The following NTM variants were observed in gnomAD, a reference collection of about 807,000 sequenced individuals.
NTM encodes neurotrimin, also known as IgLON family member 2.
In NTM, 13 loss-of-function variants were observed where a neutral mutation model predicts 42.1. The ratio of observed to expected loss-of-function variants is 0.31; its 90% CI spans 0.20 to 0.49. NTM has a LOEUF of 0.49. Ranked by LOEUF, NTM falls within the 20% of genes least tolerant of loss-of-function variation. The probability of loss-of-function intolerance (pLI) is 0.99; values close to 1 mark genes in which losing one functional copy is unlikely to be tolerated. For missense variants in NTM, 373 were observed against 452.8 expected, an observed-to-expected ratio of 0.82 and a Z score of 1.60; for synonymous variants, 187 against 179.2, an observed-to-expected ratio of 1.04 and a Z score of -0.35.
chr11:131,601,822 C>T (rs899874187), intron 1 of NTM, among the ~76,000 whole-genome samples: 6 of 152,166 alleles, frequency 3.9e-5, no homozygotes, highest in East Asian at 1.9e-4. Context: ...ATTTATTCAA[C>T]AAACATTTAC....
intron 2 of NTM, among the ~76,000 whole-genome samples, chr11:131,922,922 C>T (rs1236308411): frequency 2.0e-5 from 3 of 152,188 alleles, no homozygotes; most frequent in South Asian, 2.1e-4. Flanking sequence ...GAATGCAGAA[C>T]GCTGAACTTC....
At chr11:131,646,128 G>A (rs1332047609) in intron 1 of NTM, among the ~76,000 whole-genome samples, 1 of 152,180 alleles carries the variant, frequency 6.6e-6, no homozygotes, top group Non-Finnish European at 1.5e-5. Flanking sequence ...CATCTAAGAC[G>A]GGGTCAGCAA....
intron 1 of NTM, among the ~76,000 whole-genome samples, chr11:131,485,789 T>A (rs1002777622): frequency 2.6e-5 from 4 of 152,110 alleles, no homozygotes; most frequent in African/African-American, 9.7e-5. Context: ...AGTGCTGAAA[T>A]GGGTATTGTG....
rs185377684 is a variant in NTM, at chr11:131,774,000, G to A, written c.83-137564G>A. 2.9e-4 allele frequency: 286 copies of A among 984,108 alleles called. 1 individual carries two copies. The African/African-American group carries it at 4.1e-3, about 14-fold the overall frequency. 61.0% of individuals were successfully genotyped at this position (984,108 alleles called of 1,614,324 possible). ...GGACCTCCAATTCCTGACATCTTCC[G>A]TCGTCTCATTTTTAAACAAAATAGT... On this transcript the variant is annotated intron_variant, in intron 1 of 8. Coordinates refer to ENST00000683400, the MANE Select transcript of NTM (RefSeq NM_001352005.2).
At chr11:131,985,914 T>C (rs2065998443) in intron 2 of NTM, among the ~76,000 whole-genome samples, 1 of 152,186 alleles carries the variant, frequency 6.6e-6, no homozygotes, top group African/African-American at 2.4e-5. Context: ...ATAGTGAGTG[T>C]TCCACGAGTG....
At chr11:132,147,560 C>CT (rs11377678) in intron 3 of NTM, among the ~76,000 whole-genome samples, 135,084 of 152,062 alleles carry the variant, frequency 0.89, 60,766 homozygotes, top group African/African-American at 0.98. Context: ...GCTTTCTTTT[C>CT]TCTTTTTTAG....
intron 4 of NTM, among the ~76,000 whole-genome samples, chr11:132,245,806 T>C (rs1326332693): frequency 6.6e-6 from 1 of 151,990 alleles, no homozygotes; most frequent in African/African-American, 2.4e-5. Flanking sequence ...CTTCCTCTCC[T>C]CTTTCTTAGG....
chr11:132,190,268 T>A (rs1164643718), intron 3 of NTM, among the ~76,000 whole-genome samples: 1 of 151,980 alleles, frequency 6.6e-6, no homozygotes, highest in Non-Finnish European at 1.5e-5. Context: ...AGCATGGTAA[T>A]GAGATAGGCC....
Position 131,452,250 on chromosome 11 carries a change from G to A in NTM, c.82+81362G>A, listed in dbSNP as rs1950543274. 2.0e-5 allele frequency among the ~76,000 whole-genome samples: 3 copies of A among 152,226 alleles called. No homozygotes were observed. The South Asian group carries it at 6.2e-4, about 31-fold the overall frequency. The stretch of plus-strand genomic sequence containing the variant: ...GACTCCCAAACTGCTGTGCTGCCGA[G>A]CGCCCCGTGGCCTCCCGGCTGCAGG... On this transcript the variant is annotated intron_variant, in intron 1 of 8. Transcript: ENST00000683400.
intron 1 of NTM, among the ~76,000 whole-genome samples, chr11:131,561,706 T>C (rs1158854843): frequency 2.3e-5 from 2 of 86,092 alleles, no homozygotes; most frequent in Non-Finnish European, 4.1e-5. Flanking sequence ...ACTCTGTTAT[T>C]CCCACCGCAG....
intron 1 of NTM, among the ~76,000 whole-genome samples, chr11:131,509,684 C>T (rs1321963148): frequency 6.6e-6 from 1 of 152,190 alleles, no homozygotes; most frequent in African/African-American, 2.4e-5. Flanking sequence ...TAGTTCTTTA[C>T]CACACACAAC....
At chr11:132,010,770 T>G (rs561307407) in intron 2 of NTM, among the ~76,000 whole-genome samples, 17 of 152,268 alleles carry the variant, frequency 1.1e-4, no homozygotes, top group South Asian at 6.2e-4. Context: ...CCACTCTGCA[T>G]TTTTGCCTAT....
chr11:131,403,239 G>A (rs1246144903), intron 1 of NTM, among the ~76,000 whole-genome samples: 1 of 152,146 alleles, frequency 6.6e-6, no homozygotes, highest in East Asian at 1.9e-4. Context: ...AACTGAGTGA[G>A]CAATGGCTCA....
intron 1 of NTM, among the ~76,000 whole-genome samples, chr11:131,747,921 C>T (rs1027975343): frequency 5.9e-5 from 9 of 152,320 alleles, no homozygotes; most frequent in East Asian, 3.9e-4. Context: ...ACATCACCAC[C>T]GTGTCACCAT....
chr11:131,390,705 C>G (rs1415295670), intron 1 of NTM, among the ~76,000 whole-genome samples: 1 of 152,118 alleles, frequency 6.6e-6, no homozygotes, highest in Non-Finnish European at 1.5e-5. Flanking sequence ...ATGTGTATCT[C>G]CATGGTTCTC....
chr11:132,313,481 A>AAGAGT (rs2136137211), intron 6 of NTM, among the ~76,000 whole-genome samples: 1 of 152,276 alleles, frequency 6.6e-6, no homozygotes, highest in South Asian at 2.1e-4. Flanking sequence ...TTTTTGCCCC[A>AAGAGT]AGAGTATTCA....
chr11:132,229,663 G>A (rs1286956960), intron 4 of NTM, among the ~76,000 whole-genome samples: 1 of 152,158 alleles, frequency 6.6e-6, no homozygotes, highest in Non-Finnish European at 1.5e-5. Flanking sequence ...GTTGGACGAG[G>A]TCTGAATTCA....
intron 1 of NTM, among the ~76,000 whole-genome samples, chr11:131,517,580 G>A (rs933932709): frequency 1.3e-5 from 2 of 151,804 alleles, no homozygotes; most frequent in Non-Finnish European, 2.9e-5. Context: ...GATAACTCAA[G>A]CATCACTCTT....
intron 1 of NTM, among the ~76,000 whole-genome samples, chr11:131,639,196 G>A (rs1054053031): frequency 1.2e-4 from 19 of 152,212 alleles, no homozygotes; most frequent in Admixed American, 6.5e-5. Flanking sequence ...GTGTATTCTA[G>A]AATGTTAAGA....
Sources: allele counts gnomAD v4.1 joint callset (sites outside exome capture counted in the v4.1 genomes callset), GRCh38; gene constraint gnomAD v4.1.1; transcripts MANE v1.5; gene names NCBI Gene and HGNC (gene_info 2026-07-23, HGNC 2026-07-21).